PTPRC: variants seen among roughly 807,000 people sequenced by gnomAD.
The protein encoded by PTPRC is protein tyrosine phosphatase receptor type C, also known as receptor-type tyrosine-protein phosphatase C.
A neutral mutation model predicts 155.9 loss-of-function variants in PTPRC; 44 were observed. The observed-to-expected ratio is 0.28, with a 90% CI of 0.22 to 0.36. The LOEUF (loss-of-function observed/expected upper bound fraction) is 0.36. PTPRC is among the 10% of genes least tolerant of loss of function. PTPRC has a pLI of 1.00. For synonymous variants in PTPRC, 525 were observed against 533.1 expected (o/e 0.98, Z 0.21); for missense variants, 1,401 against 1,564.6 (o/e 0.90, Z 1.76).
chr1:198,650,983 G>A (rs1663215911), intron 2 of PTPRC, among the ~76,000 whole-genome samples: 1 of 151,628 alleles, frequency 6.6e-6, no homozygotes, highest in Non-Finnish European at 1.5e-5. Context: ...ACATGCAATT[G>A]GTAAATATCT....
intron 2 of PTPRC, among the ~76,000 whole-genome samples, chr1:198,644,805 A>T (rs1662847887): frequency 3.3e-5 from 5 of 151,780 alleles, no homozygotes; most frequent in Admixed American, 2.6e-4. Flanking sequence ...ATTTTAGTAG[A>T]GACCGAGCTT....
At chr1:198,665,505 C>A (rs921018590) in intron 2 of PTPRC, among the ~76,000 whole-genome samples, 3 of 152,216 alleles carry the variant, frequency 2.0e-5, no homozygotes, top group African/African-American at 7.2e-5. Context: ...CTAGAACAGC[C>A]AGGTCCCCCA....
chr1:198,690,123 G>T (rs1310416370), intron 2 of PTPRC, among the ~76,000 whole-genome samples: 5 of 152,172 alleles, frequency 3.3e-5, no homozygotes, highest in African/African-American at 1.2e-4. Flanking sequence ...AGATAAAGAA[G>T]AGATATGTGT....
intron 31 of PTPRC, among the ~76,000 whole-genome samples, chr1:198,753,173 T>G (rs1655464647): frequency 6.6e-6 from 1 of 152,060 alleles, no homozygotes; most frequent in Non-Finnish European, 1.5e-5. Context: ...ACACCTAATA[T>G]GTTTAATGAA....
intron 7 of PTPRC, 47 bp downstream of exon 7, chr1:198,703,419 G>A: frequency 6.2e-7 from 1 of 1,607,948 alleles, no homozygotes; most frequent in Non-Finnish European, 8.5e-7. Context: ...CATGTGCCTG[G>A]TGATGTGCTC....
At chr1:198,675,305 A>G (rs1664890045) in intron 2 of PTPRC, among the ~76,000 whole-genome samples, 1 of 152,192 alleles carries the variant, frequency 6.6e-6, no homozygotes, top group African/African-American at 2.4e-5. Flanking sequence ...TGAGGGAGGT[A>G]ATAGACAATA....
chr1:198,684,778 T>C (rs1665528183), intron 2 of PTPRC, among the ~76,000 whole-genome samples: 1 of 152,070 alleles, frequency 6.6e-6, no homozygotes. Flanking sequence ...TGTTTTCTCA[T>C]TTCTGAAAAT....
chr1:198,704,009 A>G (rs1666600694), intron 7 of PTPRC: 1 of 174,420 alleles, frequency 5.7e-6, no homozygotes, highest in African/African-American at 2.4e-5. Flanking sequence ...TAGATGTGCA[A>G]AGAGCTTACA....
chr1:198,679,613 G>A (rs998647244), intron 2 of PTPRC: 1 of 223,740 alleles, frequency 4.5e-6, no homozygotes, highest in Non-Finnish European at 9.3e-6. Flanking sequence ...ATTTGCCACT[G>A]TGGCCTCCAG....
At chr1:198,718,864 A>G (rs1201160518) in intron 14 of PTPRC, among the ~76,000 whole-genome samples, 2 of 152,156 alleles carry the variant, frequency 1.3e-5, no homozygotes, top group African/African-American at 4.8e-5. Flanking sequence ...TTCAAAATAC[A>G]GTTTTAAAAC....
chr1:198,666,499 G>A (rs1295772177), intron 2 of PTPRC, among the ~76,000 whole-genome samples: 1 of 152,130 alleles, frequency 6.6e-6, no homozygotes, highest in African/African-American at 2.4e-5. Flanking sequence ...TGCTAACCAT[G>A]TTAGATGCTA....
chr1:198,701,753 C>A (rs982083209), intron 5 of PTPRC, among the ~76,000 whole-genome samples: 1 of 152,114 alleles, frequency 6.6e-6, no homozygotes, highest in Non-Finnish European at 1.5e-5. Flanking sequence ...GATTTCAAGC[C>A]AATTTGATTT....
chr1:198,695,807 G>GTTTT (rs1298134947), intron 3 of PTPRC, among the ~76,000 whole-genome samples: 1 of 152,024 alleles, frequency 6.6e-6, no homozygotes, highest in Non-Finnish European at 1.5e-5. Context: ...TGTGAGTTTT[G>GTTTT]TTTTTCAGTC....
At chr1:198,753,643 A>C (rs921001879) in intron 31 of PTPRC, among the ~76,000 whole-genome samples, 5 of 152,068 alleles carry the variant, frequency 3.3e-5, no homozygotes, top group African/African-American at 9.6e-5. Flanking sequence ...GTTTCTTAGA[A>C]TATGATTTAT....
chr1:198,641,173 C>G (rs1312098743), intron 2 of PTPRC, among the ~76,000 whole-genome samples: 1 of 151,958 alleles, frequency 6.6e-6, no homozygotes, highest in Non-Finnish European at 1.5e-5. Flanking sequence ...GAGATATATG[C>G]TTATTTGTGG....
In PTPRC at chr1:198,732,589, C is replaced by T. The variant is rs751915501; in HGVS notation, c.2142+33C>T. The T allele has an allele frequency of 1.0e-5, 15 of 1,471,786 alleles. No homozygotes were observed. In the African/African-American group the frequency reaches 1.3e-4, roughly 12 times the overall value. The allele number at this position is 1,471,786 out of a possible 1,614,324, so 91.2% of individuals were successfully genotyped here. Reference sequence around the variant, plus strand: ...AAAATTTGCATTTTTCTTATACCTACATATTTCATTCAGCTCCTTGTTTGT... The same window carrying T: ...AAAATTTGCATTTTTCTTATACCTATATATTTCATTCAGCTCCTTGTTTGT... On this transcript the variant is annotated intron_variant, in intron 20 of 32. Coordinates refer to ENST00000442510, the MANE Select transcript of PTPRC (RefSeq NM_002838.5).
intron 2 of PTPRC, among the ~76,000 whole-genome samples, chr1:198,670,381 T>C (rs1169596821): frequency 3.3e-5 from 5 of 152,122 alleles, no homozygotes; most frequent in African/African-American, 1.2e-4. Flanking sequence ...TTTAAAGATT[T>C]GTGATAAAAC....
At chr1:198,715,177 C>T (rs141618637) in intron 12 of PTPRC, among the ~76,000 whole-genome samples, 1,956 of 152,218 alleles carry the variant, frequency 0.013, 24 homozygotes, top group Non-Finnish European at 0.016. Context: ...GGCTGGAGTG[C>T]AGTCATGCGA....
intron 2 of PTPRC, among the ~76,000 whole-genome samples, chr1:198,648,197 C>A (rs894473205): frequency 6.6e-6 from 1 of 151,744 alleles, no homozygotes; most frequent in African/African-American, 2.4e-5. Flanking sequence ...TGAAGAGGTA[C>A]TAGACAATAG....
Sources: gnomAD v4.1 joint callset for allele counts (sites outside exome capture counted in the v4.1 genomes callset) on GRCh38, gnomAD v4.1.1 for gene constraint, MANE v1.5 for transcripts, NCBI Gene and HGNC (gene_info 2026-07-23, HGNC 2026-07-21) for gene names.